ITPR3: variants seen among roughly 807,000 people sequenced by gnomAD.
ITPR3 encodes inositol 1,4,5-trisphosphate receptor type 3.
Under a neutral mutation model 293.2 loss-of-function variants are expected in ITPR3, and 173 were observed. That is an observed-to-expected ratio of 0.59 (90% CI 0.52 to 0.67). ITPR3 has a LOEUF of 0.67. ITPR3 is among the 30% of genes least tolerant of loss of function. ITPR3 has a pLI of 0.00. For synonymous variants in ITPR3, 1,295 were observed against 1,444.4 expected (o/e 0.90, Z 2.35); for missense variants, 2,796 against 3,592.1 (o/e 0.78, Z 5.66).
At chr6:33,649,962 G>A (rs1764149961) in intron 2 of ITPR3, among the ~76,000 whole-genome samples, 1 of 152,204 alleles carries the variant, frequency 6.6e-6, no homozygotes, top group South Asian at 2.1e-4. Context: ...AATGTTGACT[G>A]ACCTTATTTA....
chr6:33,648,559 G>A (rs1174863171), intron 2 of ITPR3, among the ~76,000 whole-genome samples: 1 of 150,114 alleles, frequency 6.7e-6, no homozygotes, highest in Non-Finnish European at 1.5e-5. Flanking sequence ...TCCTCATTCT[G>A]TCAATTCCTC....
chr6:33,645,590 G>T (rs9394158), intron 2 of ITPR3, among the ~76,000 whole-genome samples: 40,674 of 151,984 alleles, frequency 0.27, 5,964 homozygotes, highest in East Asian at 0.46. Flanking sequence ...TGTTCTGAGT[G>T]GGGGGATTAC....
intron 9 of ITPR3, 39 bp downstream of exon 9, chr6:33,663,045 G>A: frequency 6.5e-7 from 1 of 1,527,976 alleles, no homozygotes; most frequent in Non-Finnish European, 8.9e-7. Context: ...GCTCGTGTGT[G>A]CATGTACACG....
rs1224202871 is a variant in ITPR3, at chr6:33,633,730, C to A, written c.90-6754C>A. 8.2e-5 allele frequency among the ~76,000 whole-genome samples: 12 copies of A among 146,222 alleles called. No homozygotes were observed. The East Asian group carries it at 2.2e-3, about 27-fold the overall frequency. On this transcript the variant is annotated intron_variant, in intron 1 of 57. Coordinates refer to ENST00000605930, the MANE Select transcript of ITPR3 (RefSeq NM_002224.4). This position sits in a 1 kb window ranked among gnomAD's most constrained non-coding sequence, Gnocchi z 5.2. ...TGGGAGACGGCTGCACGTGGGACGGCGAGTTTCGCTTCGCCGCGGGGGCGG... is the reference window on the plus strand; with the variant it reads ...TGGGAGACGGCTGCACGTGGGACGGAGAGTTTCGCTTCGCCGCGGGGGCGG...
intron 2 of ITPR3, among the ~76,000 whole-genome samples, chr6:33,646,564 G>A (rs190720873): frequency 2.7e-3 from 405 of 151,966 alleles, no homozygotes; most frequent in African/African-American, 8.9e-3. Context: ...AGACCCTTCT[G>A]GAGATCTTTC....
At chr6:33,676,657 C>A in intron 25 of ITPR3, 111 bp from the exon 26 acceptor site, 1 of 1,255,142 alleles carries the variant, frequency 8.0e-7, no homozygotes, top group Non-Finnish European at 1.1e-6. Flanking sequence ...TGGAGAGGGA[C>A]AGGTGGTGGT....
chr6:33,676,650 A>AG, intron 25 of ITPR3, 118 bp from the exon 26 acceptor site: 1 of 1,200,406 alleles, frequency 8.3e-7, no homozygotes. Flanking sequence ...GGCTCGGTGG[A>AG]GAGGGACAGG....
Position 33,686,502 on chromosome 6 carries a change from C to G in ITPR3, c.5962C>G (p.Leu1988Val), listed in dbSNP as rs1195150403. 1.2e-6 allele frequency: 2 copies of G among 1,614,058 alleles called. No homozygotes were observed. Among genetic ancestry groups the G allele is most frequent in the East Asian group, 4.5e-5 (2 of 44,888 alleles). Residue 1988 changes from leucine to valine, a missense_variant, in exon 43 of 58, where the codon CTG becomes GTG. By Grantham distance (32) the Leu-to-Val change is conservative. This residue lies in a region of ITPR3 where 704 missense variants were observed against 797.5 expected (regional missense o/e 0.88). Coordinates refer to ENST00000605930, the MANE Select transcript of ITPR3 (RefSeq NM_002224.4). ...ISPLCKYRMD[L>V]VLQLKDNASK... ...CCCCCTGTGCAAGTACCGCATGGATCTGGTGCTGCAGCTCAAGGTGGGGCC... is the reference window on the plus strand; with the variant it reads ...CCCCCTGTGCAAGTACCGCATGGATGTGGTGCTGCAGCTCAAGGTGGGGCC...
In ITPR3 at chr6:33,683,243, A is replaced by T; in HGVS notation, c.4634A>T (p.Asp1545Val). The change falls in exon 35 of 58, where the codon GAT (aspartate) becomes GTT (valine). Residue 1545 changes from aspartate to valine, a missense_variant. Physicochemically the swap from Asp to Val is radical, Grantham distance 152 (BLOSUM62 -3). Around this residue, in one of 8 missense-constraint regions of ITPR3, gnomAD observed 704 missense variants for 797.5 expected, o/e 0.88. Coordinates refer to ENST00000605930, the MANE Select transcript of ITPR3 (RefSeq NM_002224.4). The surrounding 1 kb of genome is among the most constrained non-coding windows in gnomAD (Gnocchi z 4.5). ...GCCATCTTGCTGCCCATGGACCTGG[A>T]TGCCCACATCAGCTCGATGCTCAGC... ...GRAILLPMDL[D>V]AHISSMLSSG... 6.4e-7 allele frequency: 1 copy of T among 1,556,730 alleles called. No individual in the cohort carries two copies.
chr6:33,670,642 C>G lies in ITPR3; in HGVS notation c.2442-29C>G, dbSNP rs376122914. On this transcript the variant is annotated intron_variant, in intron 19 of 57. Coordinates refer to ENST00000605930, the MANE Select transcript of ITPR3 (RefSeq NM_002224.4). This position sits in a 1 kb window ranked among gnomAD's most constrained non-coding sequence, Gnocchi z 6.7. Reference sequence around the variant, plus strand: ...GGCTGGAGTGGGTGTATCTCGGGGACCTTCATGCCTCATGGCCTCCACCCT... The same window carrying G: ...GGCTGGAGTGGGTGTATCTCGGGGAGCTTCATGCCTCATGGCCTCCACCCT... 4.3e-6 allele frequency: 7 copies of G among 1,613,582 alleles called. No individual in the cohort carries two copies. The South Asian group carries it at 7.7e-5, about 18-fold the overall frequency.
At chr6:33,662,420 G>A in intron 7 of ITPR3, 108 bp from the exon 8 acceptor site, 3 of 1,298,126 alleles carry the variant, frequency 2.3e-6, no homozygotes, top group Non-Finnish European at 3.1e-6. Context: ...TGGAAGAGGG[G>A]CCCTGCCAGC....
At position 33,678,502 on chromosome 6, in the gene ITPR3, G is replaced by C; in HGVS notation, c.3730G>C (p.Ala1244Pro). Reference protein sequence around the residue: ...KFCAGNPGNQALLHKHLHLFL... With the variant: ...KFCAGNPGNQPLLHKHLHLFL... Reference sequence around the variant, plus strand: ...CTGTGCAGGGAACCCCGGCAACCAGGCCCTGCTGCACAAACACCTGCACCT... The same window carrying C: ...CTGTGCAGGGAACCCCGGCAACCAGCCCCTGCTGCACAAACACCTGCACCT... Residue 1244 changes from alanine (A) to proline (P), a missense_variant, in exon 29 of 58, where the codon GCC (alanine) becomes CCC (proline). Transcript: ENST00000605930. 6.2e-7 allele frequency: 1 copy of C among 1,605,434 alleles called. No homozygotes were observed. The highest frequency in any genetic ancestry group is 8.5e-7 in the Non-Finnish European group (1 of 1,175,714).
Position 33,655,735 on chromosome 6 carries a change from T to C in ITPR3, c.161-31T>C. The C allele has an allele frequency of 2.5e-6, 4 of 1,613,178 alleles. No individual in the cohort carries two copies. The highest frequency in any genetic ancestry group is 3.4e-6 in the Non-Finnish European group (4 of 1,179,500). On this transcript the variant is annotated intron_variant, in intron 2 of 57. Transcript: ENST00000605930. This position sits in a 1 kb window ranked among gnomAD's most constrained non-coding sequence, Gnocchi z 4.9. Reference sequence around the variant, plus strand: ...AGGGCCCTGAGCCCCAGATGAATCATTCCCCTCACCCCCAACCTGCCCCAC... The same window carrying C: ...AGGGCCCTGAGCCCCAGATGAATCACTCCCCTCACCCCCAACCTGCCCCAC...
chr6:33,640,878 C>T (rs1309739979), intron 2 of ITPR3, among the ~76,000 whole-genome samples: 1 of 152,230 alleles, frequency 6.6e-6, no homozygotes, highest in East Asian at 1.9e-4. Flanking sequence ...TCTGAGGGAA[C>T]GGGTGGAAAA....
intron 2 of ITPR3, among the ~76,000 whole-genome samples, chr6:33,651,030 A>G (rs559915446): frequency 6.6e-6 from 1 of 151,580 alleles, no homozygotes; most frequent in Admixed American, 6.6e-5. Flanking sequence ...TAATCCCAGC[A>G]CTTTGGGAGG....
chr6:33,688,987 G>A (rs1412888232), intron 49 of ITPR3, among the ~76,000 whole-genome samples: 1 of 152,226 alleles, frequency 6.6e-6, no homozygotes, highest in African/African-American at 2.4e-5. Context: ...TTGACCTCAT[G>A]GGAGATGGCG....
At chr6:33,695,115 C>G (rs935880438) in intron 57 of ITPR3, 30 bp downstream of exon 57, 3 of 1,610,206 alleles carry the variant, frequency 1.9e-6, no homozygotes, top group Non-Finnish European at 1.7e-6. Flanking sequence ...CCAGGCCCAC[C>G]CTGGGTTCTA....
chr6:33,687,236 T>C lies in ITPR3; in HGVS notation c.6086T>C (p.Ile2029Thr), dbSNP rs1381097274. The change falls in exon 45 of 58, where the codon ATC becomes ACC. Residue 2029 changes from isoleucine to threonine, a missense_variant. Transcript: ENST00000605930. The surrounding 1 kb of genome is among the most constrained non-coding windows in gnomAD (Gnocchi z 5.3). ...GCACTGCCCCTCCAGGTGGACGTCA[T>C]CAAGAAGGCCTACCTGCAGGAGGAA... ...SLRPQELVDV[I>T]KKAYLQEEER... is the part of the protein sequence containing the mutation. 1 of 1,613,140 alleles carries C rather than the reference T, an allele frequency of 6.2e-7. No individual in the cohort carries two copies. Among genetic ancestry groups the C allele is most frequent in the Non-Finnish European group, 8.5e-7 (1 of 1,179,348 alleles).
rs1459432488 is a variant in ITPR3 at position 33,672,367 on chromosome 6, G to C, written c.2928+139G>C. 1.4e-6 allele frequency: 1 copy of C among 737,994 alleles called. No homozygotes were observed. The highest frequency in any genetic ancestry group is 2.2e-6 in the Non-Finnish European group (1 of 460,312). 45.7% of individuals were successfully genotyped at this position (737,994 alleles called of 1,614,324 possible). A position where few individuals can be genotyped will look rare whatever the true frequency, so the allele number is the denominator to read the frequency against. On this transcript the variant is annotated intron_variant, in intron 22 of 57. Coordinates refer to ENST00000605930, the MANE Select transcript of ITPR3 (RefSeq NM_002224.4). This position sits in a 1 kb window ranked among gnomAD's most constrained non-coding sequence, Gnocchi z 5.0. ...AGTCTCCATCGTGACTGGCTGTCAG[G>C]CCCAGCGGTTCCCACAGTGTGGTTC...
Sources: gnomAD v4.1 joint callset for allele counts (sites outside exome capture counted in the v4.1 genomes callset) on GRCh38, gnomAD v4.1.1 for gene constraint, gnomAD v4.1.1 regional missense constraint, Gnocchi (gnomAD v3.1) non-coding constraint, MANE v1.5 for transcripts, NCBI Gene and HGNC (gene_info 2026-07-23, HGNC 2026-07-21) for gene names.